Variants in TSHR observed in about 807,000 individuals in gnomAD.
The protein encoded by TSHR is thyrotropin receptor.
A neutral mutation model predicts 64.1 loss-of-function variants in TSHR; 51 were observed. The observed-to-expected ratio is 0.80, with a 90% CI of 0.64 to 1.01. The LOEUF (loss-of-function observed/expected upper bound fraction) is 1.01, where lower values mean the gene tolerates loss of function less well. TSHR is among the 50% of genes least tolerant of loss of function. TSHR has a pLI of 0.00. For missense variants in TSHR, 877 were observed against 942.8 expected, an observed-to-expected ratio of 0.93 and a Z score of 0.91; for synonymous variants, 361 against 361.9, an observed-to-expected ratio of 1.00 and a Z score of 0.03.
chr14:81,095,859 G>A (rs1283188349), intron 6 of TSHR, among the ~76,000 whole-genome samples: 1 of 152,076 alleles, frequency 6.6e-6, no homozygotes, highest in African/African-American at 2.4e-5. Flanking sequence ...GGGCAACATG[G>A]TGAAACCTCA....
intron 7 of TSHR, among the ~76,000 whole-genome samples, chr14:81,099,185 C>T (rs974609302): frequency 6.6e-6 from 1 of 152,136 alleles, no homozygotes; most frequent in Non-Finnish European, 1.5e-5. Context: ...TCAAGAACTA[C>T]TGCTGTAAAA....
At chr14:81,068,162 G>A in intron 2 of TSHR, 92 bp from the exon 3 acceptor site, 1 of 1,157,702 alleles carries the variant, frequency 8.6e-7, no homozygotes, top group Non-Finnish European at 1.3e-6. Context: ...GATCTGGGAA[G>A]CGCATAACAA....
intron 9 of TSHR, 75 bp downstream of exon 9, chr14:81,139,942 G>A (rs1595173057): frequency 1.3e-6 from 2 of 1,565,854 alleles, no homozygotes; most frequent in East Asian, 2.3e-5. Context: ...TTTTGGGGAA[G>A]ATGCTTCCTG....
chr14:81,062,219 TG>T lies in TSHR; in HGVS notation c.242+1del. The T allele has an allele frequency of 6.2e-7, 1 of 1,609,390 alleles. No homozygotes were observed. The highest frequency in any genetic ancestry group is 8.5e-7 in the Non-Finnish European group (1 of 1,177,062). The stretch of plus-strand genomic sequence containing the variant: ...TCTAATCTGCCCAATATTTCCAGAA[TG>T]TAAGTTTTTTTAATATAAAGAAAAG... On this transcript the variant is annotated splice_donor_variant, in intron 2 of 9. Transcript: ENST00000298171. LOFTEE classifies it high-confidence loss of function.
intron 1 of TSHR, among the ~76,000 whole-genome samples, chr14:81,044,285 T>A (rs1260162892): frequency 6.6e-6 from 1 of 152,010 alleles, no homozygotes; most frequent in Non-Finnish European, 1.5e-5. Flanking sequence ...AATGGACACT[T>A]CATAAAAGAA....
rs759772167 is a variant in TSHR at position 81,092,502 on chromosome 14, TTAAG to T, written c.468-27_468-24del. The T allele has an allele frequency of 1.7e-5, 27 of 1,608,442 alleles. No homozygotes were observed. In the African/African-American group the frequency reaches 2.8e-4, roughly 17 times the overall value. On this transcript the variant is annotated intron_variant, in intron 5 of 9. Transcript: ENST00000298171. ...GCTGCAGAAGGAAAGCATTTTTTCA[TTAAG>T]TGTTTTTGTCCCTCTCTCTTGCAGT...
At chr14:81,141,306 GGTCTAGATTTTTCCCTAGCCTCCA>G (rs1566834183) in intron 9 of TSHR, among the ~76,000 whole-genome samples, 1 of 152,192 alleles carries the variant, frequency 6.6e-6, no homozygotes. Context: ...TCAGGGGCAG[GGTCTAGATTTTTCCCTAGCCTCCA>G]GTTGAGAAGA....
chr14:81,108,712 T>C (rs1890079981), intron 8 of TSHR: 2 of 1,613,698 alleles, frequency 1.2e-6, no homozygotes, highest in Non-Finnish European at 8.5e-7. Context: ...TTGGTGTACA[T>C]GCTCACAGAG....
chr14:81,100,568 C>T (rs868753991), intron 7 of TSHR, among the ~76,000 whole-genome samples: 1 of 152,252 alleles, frequency 6.6e-6, no homozygotes, highest in Admixed American at 6.5e-5. Flanking sequence ...AGACTGCCTG[C>T]TACTTCAGAT....
At position 81,022,576 on chromosome 14, in the gene TSHR, A is replaced by C. The variant is rs543364683; in HGVS notation, c.171-39572A>C. Reference sequence around the variant, plus strand: ...GGTGGCTCACACCTGTAATACCAGCACTTTGGGAGGCTGAGGCAGGTGGAT... The same window carrying C: ...GGTGGCTCACACCTGTAATACCAGCCCTTTGGGAGGCTGAGGCAGGTGGAT... On this transcript the variant is annotated intron_variant, in intron 1 of 9. Transcript: ENST00000298171. 2.0e-5 allele frequency among the ~76,000 whole-genome samples: 3 copies of C among 152,014 alleles called. No homozygotes were observed. In the East Asian group the frequency reaches 5.8e-4, roughly 30 times the overall value.
intron 1 of TSHR, among the ~76,000 whole-genome samples, chr14:80,968,763 A>G (rs1361741898): frequency 6.6e-6 from 1 of 151,880 alleles, no homozygotes; most frequent in Non-Finnish European, 1.5e-5. Flanking sequence ...TTCTAGACAC[A>G]CTCCTTACTC....
rs367863614 is a variant in TSHR, at chr14:81,079,530, C to A, written c.318-8424C>A. ...CAAAACCACTGCAATGCCATAAAATCTCTTTAATTAAAATATCTGCAATAA... is the reference window on the plus strand; with the variant it reads ...CAAAACCACTGCAATGCCATAAAATATCTTTAATTAAAATATCTGCAATAA... On this transcript the variant is annotated intron_variant, in intron 3 of 9. Coordinates refer to ENST00000298171, the MANE Select transcript of TSHR (RefSeq NM_000369.5). 3.9e-5 allele frequency among the ~76,000 whole-genome samples: 6 copies of A among 152,200 alleles called. No homozygotes were observed. The East Asian group carries it at 5.8e-4, about 15-fold the overall frequency.
chr14:80,969,751 CAAA>C (rs1887503773), intron 1 of TSHR, among the ~76,000 whole-genome samples: 2 of 152,190 alleles, frequency 1.3e-5, no homozygotes, highest in Admixed American at 1.3e-4. Flanking sequence ...AGATTCACCG[CAAA>C]CCAGAGTAAT....
intron 1 of TSHR, among the ~76,000 whole-genome samples, chr14:81,061,276 T>C (rs1886215327): frequency 6.6e-6 from 1 of 152,146 alleles, no homozygotes; most frequent in Non-Finnish European, 1.5e-5. Flanking sequence ...GGCATTTCCA[T>C]TGAAAAGTAC....
chr14:81,094,994 G>A (rs1340314562), intron 6 of TSHR, among the ~76,000 whole-genome samples: 1 of 152,164 alleles, frequency 6.6e-6, no homozygotes, highest in African/African-American at 2.4e-5. Flanking sequence ...CAGCTATTAA[G>A]TGGCAGAGCC....
intron 8 of TSHR, among the ~76,000 whole-genome samples, chr14:81,134,129 T>G (rs1381415267): frequency 6.6e-6 from 1 of 152,102 alleles, no homozygotes; most frequent in Non-Finnish European, 1.5e-5. Context: ...ATTTTATTTT[T>G]TATTCTTTTT....
In TSHR at chr14:80,955,651, A is replaced by G; in HGVS notation, c.-30A>G. The stretch of plus-strand genomic sequence containing the variant: ...GCTGAGAATGAGGCGATTTCGGAGG[A>G]TGGAGAAATAGCCCCGAGTCCCGTG... On this transcript the variant is annotated 5_prime_UTR_variant, in exon 1 of 10. The change abolishes an upstream ATG in the 5' untranslated region. Coordinates refer to ENST00000298171, the MANE Select transcript of TSHR (RefSeq NM_000369.5). 6.2e-7 allele frequency: 1 copy of G among 1,612,806 alleles called. No homozygotes were observed. The highest frequency in any genetic ancestry group is 8.5e-7 in the Non-Finnish European group (1 of 1,179,680).
chr14:81,063,477 T>C (rs1050670313), intron 2 of TSHR, among the ~76,000 whole-genome samples: 4 of 152,134 alleles, frequency 2.6e-5, no homozygotes, highest in Admixed American at 6.6e-5. Context: ...AATAAACACA[T>C]CATCTTCCTC....
intron 1 of TSHR, among the ~76,000 whole-genome samples, chr14:81,029,631 A>T (rs1408476005): frequency 2.6e-5 from 4 of 152,204 alleles, no homozygotes; most frequent in Non-Finnish European, 5.9e-5. Flanking sequence ...GAAATAAAAA[A>T]TTTCTGTACT....
Sources: allele counts gnomAD v4.1 joint callset (sites outside exome capture counted in the v4.1 genomes callset), GRCh38; gene constraint gnomAD v4.1.1; transcripts MANE v1.5; gene names NCBI Gene and HGNC (gene_info 2026-07-23, HGNC 2026-07-21).